The following CCDC39 variants were observed in gnomAD, a reference collection of about 807,000 sequenced individuals.
CCDC39 encodes coiled-coil domain 39 molecular ruler complex subunit.
In CCDC39, 113 loss-of-function variants were observed where a neutral mutation model predicts 121.0. The observed-to-expected ratio is 0.93, with a 90% CI of 0.80 to 1.09. CCDC39 has a LOEUF of 1.09. Among genes scored for constraint, CCDC39 ranks in the 50% least tolerant of loss-of-function variants. CCDC39 has a pLI of 0.00. For missense variants in CCDC39, 1,063 were observed against 1,074.7 expected (o/e 0.99, Z 0.15); for synonymous variants, 349 against 352.2 (o/e 0.99, Z 0.10).
At chr3:180,629,244 T>G (rs1384205986) in intron 14 of CCDC39, among the ~76,000 whole-genome samples, 1 of 152,252 alleles carries the variant, frequency 6.6e-6, no homozygotes, top group Non-Finnish European at 1.5e-5. Flanking sequence ...AATGCTGACA[T>G]GAATTTGCTG....
intron 1 of CCDC39, among the ~76,000 whole-genome samples, chr3:180,667,613 A>G (rs1457243835): frequency 6.6e-6 from 1 of 152,176 alleles, no homozygotes; most frequent in Non-Finnish European, 1.5e-5. Context: ...AAAATGTTGT[A>G]TCTGTTCTGA....
At chr3:180,637,718 C>A (rs1717864793) in intron 13 of CCDC39, among the ~76,000 whole-genome samples, 1 of 152,032 alleles carries the variant, frequency 6.6e-6, no homozygotes, top group East Asian at 1.9e-4. Context: ...AAAAATGTGC[C>A]ATATATACAC....
At chr3:180,668,435 T>C (rs1172134324) in intron 1 of CCDC39, among the ~76,000 whole-genome samples, 1 of 152,136 alleles carries the variant, frequency 6.6e-6, no homozygotes, top group Non-Finnish European at 1.5e-5. Flanking sequence ...GGTCTTCAGA[T>C]ATGCTGGTGT....
chr3:180,666,401 T>C (rs943545379), intron 1 of CCDC39, among the ~76,000 whole-genome samples: 1 of 152,202 alleles, frequency 6.6e-6, no homozygotes, highest in Non-Finnish European at 1.5e-5. Context: ...TGTTTTTACT[T>C]TTATTGTATT....
chr3:180,631,807 T>G (rs967919755), intron 13 of CCDC39, among the ~76,000 whole-genome samples: 7 of 152,218 alleles, frequency 4.6e-5, no homozygotes, highest in African/African-American at 1.4e-4. Flanking sequence ...ACAGATTAAA[T>G]TTGTTCTCAC....
intron 7 of CCDC39, among the ~76,000 whole-genome samples, chr3:180,652,845 C>G (rs913422714): frequency 6.6e-6 from 1 of 152,068 alleles, no homozygotes; most frequent in Non-Finnish European, 1.5e-5. Flanking sequence ...AAACCAGTTA[C>G]ATTCTATACA....
intron 6 of CCDC39, among the ~76,000 whole-genome samples, chr3:180,657,485 G>T (rs1560091387): frequency 1.3e-5 from 2 of 152,142 alleles, no homozygotes; most frequent in Non-Finnish European, 2.9e-5. Flanking sequence ...CTTGAGAAAA[G>T]AATTTTTATC....
chr3:180,623,319 GT>G lies in CCDC39; in HGVS notation c.1999-3350del, dbSNP rs1717478292. ...AGTTCAGTTGTAATGTCTCCTTTTTGTTTTCCGATTTTGTTTGCTTGGATCT... is the reference window on the plus strand; with the variant it reads ...AGTTCAGTTGTAATGTCTCCTTTTTGTTTCCGATTTTGTTTGCTTGGATCT... On this transcript the variant is annotated intron_variant, in intron 14 of 19. Coordinates refer to ENST00000476379, the MANE Select transcript of CCDC39 (RefSeq NM_181426.2). 4.6e-5 allele frequency among the ~76,000 whole-genome samples: 7 copies of G among 151,484 alleles called. No homozygotes were observed. In the South Asian group the frequency reaches 1.5e-3, roughly 31 times the overall value.
chr3:180,619,118 C>T (rs1031001571), intron 16 of CCDC39, 141 bp downstream of exon 16: 31 of 608,680 alleles, frequency 5.1e-5, no homozygotes, highest in Middle Eastern at 3.5e-4. Context: ...TTAAATGAGA[C>T]TGTTATCTCT....
chr3:180,616,982 T>C lies in CCDC39; in HGVS notation c.2266-16A>G. On this transcript the variant is annotated splice_polypyrimidine_tract_variant and intron_variant, in intron 16 of 19. Coordinates refer to ENST00000476379, the MANE Select transcript of CCDC39 (RefSeq NM_181426.2). Reference sequence around the variant, plus strand: ...TTTCCATGCTCTGTAGAAAAAATATTAACATGTATTTTTTAGAATCAGAAA... The same window carrying C: ...TTTCCATGCTCTGTAGAAAAAATATCAACATGTATTTTTTAGAATCAGAAA... 8.2e-7 allele frequency: 1 copy of C among 1,220,136 alleles called. No individual in the cohort carries two copies. Among genetic ancestry groups the C allele is most frequent in the Non-Finnish European group, 1.1e-6 (1 of 895,722 alleles). 75.6% of individuals were successfully genotyped at this position (1,220,136 alleles called of 1,614,324 possible). A position where few individuals can be genotyped will look rare whatever the true frequency, so the allele number is the denominator to read the frequency against.
At chr3:180,669,046 A>T (rs1412601921) in intron 1 of CCDC39, among the ~76,000 whole-genome samples, 1 of 152,218 alleles carries the variant, frequency 6.6e-6, no homozygotes, top group Admixed American at 6.5e-5. Flanking sequence ...GCATGTTCGT[A>T]TGTGAGAGGA....
chr3:180,655,604 G>A (rs1711561312), intron 6 of CCDC39, among the ~76,000 whole-genome samples: 1 of 151,920 alleles, frequency 6.6e-6, no homozygotes, highest in African/African-American at 2.4e-5. Context: ...GGCAACATTT[G>A]AGTCAGGCTT....
intron 1 of CCDC39, among the ~76,000 whole-genome samples, chr3:180,678,173 A>T (rs1321827591): frequency 6.6e-6 from 1 of 152,198 alleles, no homozygotes; most frequent in Admixed American, 6.5e-5. Context: ...GGTAAGTAGG[A>T]TCTGAACCCA....
At position 180,659,788 on chromosome 3, in the gene CCDC39, C is replaced by A; in HGVS notation, c.517-19G>T. 6.8e-7 allele frequency: 1 copy of A among 1,472,058 alleles called. No homozygotes were observed. Among genetic ancestry groups the A allele is most frequent in the South Asian group, 1.2e-5 (1 of 84,800 alleles). 91.2% of individuals were successfully genotyped at this position (1,472,058 alleles called of 1,614,324 possible). ...TCAGTGCCTATGATGTAATTATATA[C>A]AGATACTTATAATTCTCATTCTATT... On this transcript the variant is annotated intron_variant, in intron 4 of 19. Transcript: ENST00000476379.
chr3:180,672,236 A>G (rs540888988), intron 1 of CCDC39, among the ~76,000 whole-genome samples: 1 of 152,304 alleles, frequency 6.6e-6, no homozygotes, highest in Admixed American at 6.5e-5. Context: ...GTCTGTTTAC[A>G]ACATGGTTTA....
At chr3:180,638,288 T>C (rs1206295135) in intron 13 of CCDC39, among the ~76,000 whole-genome samples, 5 of 152,140 alleles carry the variant, frequency 3.3e-5, no homozygotes, top group South Asian at 2.1e-4. Flanking sequence ...TAAACAACAC[T>C]GTAATCTAGC....
intron 16 of CCDC39, among the ~76,000 whole-genome samples, chr3:180,618,999 T>A (rs1288978723): frequency 6.6e-6 from 1 of 152,132 alleles, no homozygotes; most frequent in Non-Finnish European, 1.5e-5. Context: ...GATTAATGGG[T>A]AGATCATAAT....
In CCDC39 at chr3:180,620,790, T is replaced by C. The variant is rs191724882; in HGVS notation, c.1999-820A>G. 3.3e-3 allele frequency among the ~76,000 whole-genome samples: 505 copies of C among 152,218 alleles called. 3 individuals carry two copies. The highest frequency in any genetic ancestry group is 7.4e-3 in the Admixed American group (113 of 15,262). On this transcript the variant is annotated intron_variant, in intron 14 of 19. Transcript: ENST00000476379. The stretch of plus-strand genomic sequence containing the variant: ...TTCTGATTATTTTTATTTGTAAAAA[T>C]TTATGGAGTACAAGTATATTTTGTT...
Position 180,619,785 on chromosome 3 carries a change from A to AT in CCDC39, c.2158+25dup, listed in dbSNP as rs1407002558. The AT allele has an allele frequency of 2.8e-6, 4 of 1,409,668 alleles. No homozygotes were observed. The East Asian group carries it at 7.0e-5, about 25-fold the overall frequency. 87.3% of individuals were successfully genotyped at this position (1,409,668 alleles called of 1,614,324 possible). ...TATACACTCGTCACTGTATATATGT[A>AT]TAAAAAAAAGTTAACTCCTACATAC... On this transcript the variant is annotated intron_variant, in intron 15 of 19. Transcript: ENST00000476379.
Sources: gnomAD v4.1 joint callset for allele counts (sites outside exome capture counted in the v4.1 genomes callset) on GRCh38, gnomAD v4.1.1 for gene constraint, MANE v1.5 for transcripts, NCBI Gene and HGNC (gene_info 2026-07-23, HGNC 2026-07-21) for gene names.